Variants in ABCA13 observed in about 807,000 individuals in gnomAD.
ABCA13 encodes ATP binding cassette subfamily A member 13.
In ABCA13, 476 loss-of-function variants were observed where a neutral mutation model predicts 478.7. The ratio of observed to expected loss-of-function variants is 0.99; its 90% CI spans 0.92 to 1.07. The LOEUF (loss-of-function observed/expected upper bound fraction) is 1.07, where lower values mean the gene tolerates loss of function less well. Among genes scored for constraint, ABCA13 ranks in the 50% least tolerant of loss-of-function variants. The pLI is 0.00. For synonymous variants in ABCA13, 2,252 were observed against 2,158.9 expected (o/e 1.04, Z -1.20); for missense variants, 6,060 against 5,910.6 (o/e 1.03, Z -0.83).
At chr7:48,302,099 A>T (rs1210200387) in intron 23 of ABCA13, among the ~76,000 whole-genome samples, 2 of 152,082 alleles carry the variant, frequency 1.3e-5, no homozygotes, top group African/African-American at 4.8e-5. Flanking sequence ...CAGCTGGGAG[A>T]GGGCCTGAAA....
chr7:48,203,290 G>A (rs982758877), intron 3 of ABCA13, among the ~76,000 whole-genome samples: 5 of 152,188 alleles, frequency 3.3e-5, no homozygotes, highest in Non-Finnish European at 5.9e-5. Context: ...TCCCGCTCGC[G>A]CCTCTCCCTC....
At chr7:48,361,841 T>A (rs967517208) in intron 31 of ABCA13, among the ~76,000 whole-genome samples, 1 of 151,874 alleles carries the variant, frequency 6.6e-6, no homozygotes, top group Non-Finnish European at 1.5e-5. Context: ...CTCAAGAATT[T>A]TAAATATATG....
At chr7:48,288,640 ATT>A (rs59778376) in intron 20 of ABCA13, among the ~76,000 whole-genome samples, 2 of 151,236 alleles carry the variant, frequency 1.3e-5, no homozygotes, top group South Asian at 2.1e-4. Context: ...CCAAATCAGA[ATT>A]TTTTTTTTCT....
At position 48,647,178 on chromosome 7, in the gene ABCA13, C is replaced by A. The variant is rs1288783955; in HGVS notation, c.*1666C>A. 4 of 152,194 alleles carry A rather than the reference C, an allele frequency of 2.6e-5. No homozygotes were observed. Among genetic ancestry groups the A allele is most frequent in the Non-Finnish European group, 5.9e-5 (4 of 68,034 alleles). 9.4% of individuals were successfully genotyped at this position (152,194 alleles called of 1,614,324 possible). A position where few individuals can be genotyped will look rare whatever the true frequency, so the allele number is the denominator to read the frequency against. On this transcript the variant is annotated 3_prime_UTR_variant, in exon 62 of 62. Coordinates refer to ENST00000435803, the MANE Select transcript of ABCA13 (RefSeq NM_152701.5). ...TATACTTCCTTATGAGATTTCTTTA[C>A]TAAAGCAAGATTTCATTAAATCTCT...
intron 59 of ABCA13, among the ~76,000 whole-genome samples, chr7:48,618,030 G>A (rs981133006): frequency 2.0e-5 from 3 of 152,128 alleles, no homozygotes; most frequent in African/African-American, 7.2e-5. Context: ...AGCCCTCAGA[G>A]AAATGGGGCC....
chr7:48,276,518 ATC>A lies in ABCA13; in HGVS notation c.6856_6857del (p.Leu2286SerfsTer20), dbSNP rs1445580601. 1 of 1,611,306 alleles carries A rather than the reference ATC, an allele frequency of 6.2e-7. No individual in the cohort carries two copies. Among genetic ancestry groups the A allele is most frequent in the East Asian group, 2.2e-5 (1 of 44,766 alleles). ...FLKEDSENKISLLLKYFHKDV... is the reference protein window; with the variant it reads ...FLKEDSENKIXLLLKYFHKDV... ...TAAAGGAAGATTCTGAGAACAAAAT[ATC>A]TCTTCTGCTGAAATATTTCCACAAA... On this transcript the variant is annotated frameshift_variant, in exon 17 of 62. Coordinates refer to ENST00000435803, the MANE Select transcript of ABCA13 (RefSeq NM_152701.5). LOFTEE classifies it high-confidence loss of function.
intron 31 of ABCA13, among the ~76,000 whole-genome samples, chr7:48,354,243 G>A (rs1215525383): frequency 2.6e-5 from 4 of 151,998 alleles, no homozygotes; most frequent in Admixed American, 6.5e-5. Context: ...ATGAAAGAGC[G>A]GGGTTGTGCT....
At chr7:48,434,894 T>C (rs1009659804) in intron 42 of ABCA13, among the ~76,000 whole-genome samples, 3 of 151,964 alleles carry the variant, frequency 2.0e-5, no homozygotes, top group Non-Finnish European at 4.4e-5. Flanking sequence ...TCCACACTGT[T>C]TTGATTACCA....
At chr7:48,403,559 C>T (rs925309763) in intron 38 of ABCA13, 124 bp from the exon 39 acceptor site, 2 of 984,232 alleles carry the variant, frequency 2.0e-6, no homozygotes, top group Non-Finnish European at 3.0e-6. Flanking sequence ...AGCATCCACA[C>T]CTCTGTGATA....
Position 48,317,261 on chromosome 7 carries a change from C to CTCCAGAAATATA in ABCA13, c.9964_9965insTCCAGAAATATA (p.Pro3322delinsLeuGlnLysTyrThr). ...ATTGCATGGAAAAATACTATACACA[C>CTCCAGAAATATA]CAAACACTCCAGAAATTAACAAGGT... On this transcript the variant is annotated protein_altering_variant, in exon 27 of 62. Transcript: ENST00000435803. The CTCCAGAAATATA allele has an allele frequency of 6.2e-7, 1 of 1,613,330 alleles. No homozygotes were observed. The highest frequency in any genetic ancestry group is 8.5e-7 in the Non-Finnish European group (1 of 1,179,734).
chr7:48,342,810 GT>G (rs1315106923), intron 29 of ABCA13, among the ~76,000 whole-genome samples: 2 of 151,914 alleles, frequency 1.3e-5, no homozygotes, highest in Non-Finnish European at 2.9e-5. Flanking sequence ...TTTCTTACTA[GT>G]TTTTTAATCG....
intron 58 of ABCA13, among the ~76,000 whole-genome samples, chr7:48,597,751 C>T (rs116768277): frequency 2.0e-3 from 307 of 152,220 alleles, no homozygotes; most frequent in African/African-American, 7.1e-3. Context: ...AATTTTTATT[C>T]CAATATCTCC....
At chr7:48,171,975 C>T (rs1280497958) in intron 1 of ABCA13, among the ~76,000 whole-genome samples, 1 of 151,704 alleles carries the variant, frequency 6.6e-6, no homozygotes, top group Non-Finnish European at 1.5e-5. Context: ...CAGTGTGCCT[C>T]ACCAGAGCAG....
At chr7:48,538,827 T>G (rs1225667400) in intron 55 of ABCA13, among the ~76,000 whole-genome samples, 3 of 152,212 alleles carry the variant, frequency 2.0e-5, no homozygotes, top group Admixed American at 6.5e-5. Context: ...AGATACTTGA[T>G]AGGGCCTTTA....
chr7:48,325,828 G>A (rs1003376334), intron 27 of ABCA13, among the ~76,000 whole-genome samples: 2 of 152,222 alleles, frequency 1.3e-5, no homozygotes, highest in African/African-American at 4.8e-5. Flanking sequence ...AACTACAAGT[G>A]ACTTCCCCAT....
chr7:48,590,575 A>G (rs1033984733), intron 57 of ABCA13, among the ~76,000 whole-genome samples: 2 of 152,258 alleles, frequency 1.3e-5, no homozygotes, highest in South Asian at 4.1e-4. Flanking sequence ...TGTTTTCCAT[A>G]ATATGTGTAC....
chr7:48,223,996 G>A (rs951862623), intron 5 of ABCA13, among the ~76,000 whole-genome samples: 1 of 150,944 alleles, frequency 6.6e-6, no homozygotes, highest in Admixed American at 6.6e-5. Flanking sequence ...GAGAGAGAAT[G>A]GGGGCAGGTA....
In ABCA13 at chr7:48,275,230, T is replaced by G; in HGVS notation, c.5564T>G (p.Val1855Gly). 6.2e-7 allele frequency: 1 copy of G among 1,613,936 alleles called. No individual in the cohort carries two copies. The highest frequency in any genetic ancestry group is 8.5e-7 in the Non-Finnish European group (1 of 1,179,860). Reference protein sequence around the residue: ...GLMSSSFYGKVASILDHFHLS... With the variant: ...GLMSSSFYGKGASILDHFHLS... The stretch of plus-strand genomic sequence containing the variant: ...ATGTCTTCTTCCTTTTATGGCAAAG[T>G]GGCCAGTATACTTGATCATTTCCAC... The change falls in exon 17 of 62, where the codon GTG (valine) becomes GGG (glycine). Residue 1855 changes from valine (V) to glycine (G), a missense_variant. Transcript: ENST00000435803.
rs140556925 is a variant in ABCA13, at chr7:48,255,897, C to T, written c.2005+6546C>T. 3.2e-3 allele frequency among the ~76,000 whole-genome samples: 490 copies of T among 152,236 alleles called. 4 individuals are homozygous for T. The highest frequency in any genetic ancestry group is 0.011 in the African/African-American group (460 of 41,554). On this transcript the variant is annotated intron_variant, in intron 15 of 61. Coordinates refer to ENST00000435803, the MANE Select transcript of ABCA13 (RefSeq NM_152701.5). ...TAAGAAATTGCCACACTGTTTTCCACGATGTTGATCTAATTTACTTTCCCT... is the reference window on the plus strand; with the variant it reads ...TAAGAAATTGCCACACTGTTTTCCATGATGTTGATCTAATTTACTTTCCCT...
Sources: gnomAD v4.1 joint callset for allele counts (sites outside exome capture counted in the v4.1 genomes callset) on GRCh38, gnomAD v4.1.1 for gene constraint, MANE v1.5 for transcripts, NCBI Gene and HGNC (gene_info 2026-07-23, HGNC 2026-07-21) for gene names.